TAFA2: variants seen among roughly 807,000 people sequenced by gnomAD.
The protein encoded by TAFA2 is TAFA chemokine like family member 2.
In TAFA2, 7 loss-of-function variants were observed where a neutral mutation model predicts 18.8. The ratio of observed to expected loss-of-function variants is 0.37; its 90% CI spans 0.21 to 0.70. The LOEUF (loss-of-function observed/expected upper bound fraction) is 0.70, where lower values mean the gene tolerates loss of function less well. Among genes scored for constraint, TAFA2 ranks in the 30% least tolerant of loss-of-function variants. TAFA2 has a pLI of 0.53. For missense variants in TAFA2, 122 were observed against 158.1 expected, an observed-to-expected ratio of 0.77 and a Z score of 1.23; for synonymous variants, 60 against 54.2, an observed-to-expected ratio of 1.11 and a Z score of -0.47.
chr12:61,921,540 G>A (rs185142608), intron 1 of TAFA2, among the ~76,000 whole-genome samples: 47 of 152,168 alleles, frequency 3.1e-4, no homozygotes, highest in African/African-American at 1.0e-3. Context: ...GTGTGGTGTG[G>A]TGGGGTATGG....
chr12:61,714,293 C>T (rs958457125), intron 4 of TAFA2, among the ~76,000 whole-genome samples: 14 of 152,204 alleles, frequency 9.2e-5, no homozygotes, highest in African/African-American at 3.1e-4. Flanking sequence ...CTTTTTTACG[C>T]AAATCTTATT....
Position 62,256,027 on chromosome 12 carries a change from G to C in TAFA2, c.-130+2736C>G, listed in dbSNP as rs1462781038. On this transcript the variant is annotated intron_variant, in intron 1 of 5. Coordinates refer to the TAFA2 transcript ENST00000551619. ...CTCATGCCTTTAATCCCAGCACTTT[G>C]GGAGGCTGAGGCGGGCAGATCGCCA... Among the ~76,000 whole-genome samples, 4 of 152,014 alleles carry C rather than the reference G, an allele frequency of 2.6e-5. No homozygotes were observed. The East Asian group carries it at 7.7e-4, about 29-fold the overall frequency.
At chr12:61,848,878 G>A (rs1205715459) in intron 2 of TAFA2, among the ~76,000 whole-genome samples, 3 of 147,178 alleles carry the variant, frequency 2.0e-5, no homozygotes, top group Non-Finnish European at 4.5e-5. Context: ...GTCTTGCTCT[G>A]TCACCCAGGC....
At chr12:61,880,238 G>A (rs1340564128) in intron 1 of TAFA2, 5 of 487,460 alleles carry the variant, frequency 1.0e-5, no homozygotes, top group Non-Finnish European at 2.0e-5. Flanking sequence ...TACAAAGACT[G>A]ACATCTCCGA....
At chr12:62,231,325 T>C (rs1261760139) in intron 1 of TAFA2, among the ~76,000 whole-genome samples, 6 of 152,244 alleles carry the variant, frequency 3.9e-5, no homozygotes, top group Non-Finnish European at 7.3e-5. Flanking sequence ...GGCCTCTTTA[T>C]CATTAAATAA....
intron 4 of TAFA2, among the ~76,000 whole-genome samples, chr12:61,746,733 G>A (rs1426018927): frequency 6.6e-6 from 1 of 152,136 alleles, no homozygotes; most frequent in Non-Finnish European, 1.5e-5. Context: ...GATGAAGGCA[G>A]GGATTTTCAT....
At chr12:61,821,326 C>A (rs184357828) in intron 2 of TAFA2, among the ~76,000 whole-genome samples, 68 of 152,138 alleles carry the variant, frequency 4.5e-4, no homozygotes, top group African/African-American at 1.6e-3. Context: ...CACATGGCAT[C>A]TATTTTTATT....
intron 1 of TAFA2, among the ~76,000 whole-genome samples, chr12:61,917,846 C>T (rs563672716): frequency 1.3e-5 from 2 of 152,222 alleles, no homozygotes; most frequent in South Asian, 4.2e-4. Flanking sequence ...CAGAGCCTAA[C>T]CCCATGAAAC....
intron 1 of TAFA2, among the ~76,000 whole-genome samples, chr12:62,082,803 T>C (rs1357963630): frequency 1.3e-5 from 2 of 152,244 alleles, no homozygotes; most frequent in Non-Finnish European, 2.9e-5. Context: ...GAATATTCAA[T>C]ATAAATTTAA....
intron 1 of TAFA2, among the ~76,000 whole-genome samples, chr12:61,875,127 T>G (rs1001129390): frequency 6.6e-6 from 1 of 152,114 alleles, no homozygotes; most frequent in Admixed American, 6.6e-5. Flanking sequence ...ACATAAAGAA[T>G]GTACAAATAT....
intron 1 of TAFA2, among the ~76,000 whole-genome samples, chr12:61,978,919 A>G (rs563905233): frequency 3.3e-5 from 5 of 152,204 alleles, no homozygotes; most frequent in African/African-American, 1.2e-4. Context: ...ACATGGAGTG[A>G]TCAATATGTC....
chr12:62,197,159 C>T (rs997800700), upstream of TAFA2, among the ~76,000 whole-genome samples: 14 of 152,130 alleles, frequency 9.2e-5, no homozygotes, highest in African/African-American at 3.1e-4. Flanking sequence ...GGTTTCATCC[C>T]GAAATTATCC....
intron 2 of TAFA2, among the ~76,000 whole-genome samples, chr12:61,844,976 G>A: frequency 6.6e-6 from 1 of 152,036 alleles, no homozygotes; most frequent in Non-Finnish European, 1.5e-5. Flanking sequence ...TTGAGTTCAG[G>A]ACCACCTACA....
At chr12:61,784,700 T>C (rs1010503399) in intron 2 of TAFA2, among the ~76,000 whole-genome samples, 1 of 35,820 alleles carries the variant, frequency 2.8e-5, no homozygotes, top group Non-Finnish European at 5.4e-5. Flanking sequence ...CCTCCCATTT[T>C]TCAAAAAAAA....
chr12:62,180,958 T>C (rs1028098888), intron 1 of TAFA2, among the ~76,000 whole-genome samples: 7 of 152,238 alleles, frequency 4.6e-5, no homozygotes, highest in Non-Finnish European at 7.3e-5. Flanking sequence ...AAATTTGACA[T>C]TGACAAATAT....
chr12:62,073,647 T>C (rs1485153740), intron 1 of TAFA2, among the ~76,000 whole-genome samples: 2 of 152,192 alleles, frequency 1.3e-5, no homozygotes, highest in African/African-American at 4.8e-5. Context: ...AGTTGGTAAG[T>C]GGCAGAGCCA....
intron 1 of TAFA2, among the ~76,000 whole-genome samples, chr12:62,240,368 G>A (rs926574043): frequency 6.6e-5 from 10 of 151,408 alleles, no homozygotes; most frequent in South Asian, 2.1e-4. Flanking sequence ...GCAGTGAGCC[G>A]AGATAGCGCT....
intron 2 of TAFA2, among the ~76,000 whole-genome samples, chr12:61,770,539 T>C (rs1301631045): frequency 6.6e-6 from 1 of 152,148 alleles, no homozygotes; most frequent in Non-Finnish European, 1.5e-5. Context: ...AGCAGATTTC[T>C]CAACAGAAGC....
At chr12:61,788,545 A>C (rs979961175) in intron 2 of TAFA2, among the ~76,000 whole-genome samples, 4 of 151,736 alleles carry the variant, frequency 2.6e-5, no homozygotes, top group African/African-American at 7.3e-5. Context: ...AAAAGGAATA[A>C]TAAAGATTAG....
Sources: allele counts gnomAD v4.1 joint callset (sites outside exome capture counted in the v4.1 genomes callset), GRCh38; gene constraint gnomAD v4.1.1; transcripts MANE v1.5; gene names NCBI Gene and HGNC (gene_info 2026-07-23, HGNC 2026-07-21).